The following MYT1L variants were observed in gnomAD, a reference collection of about 807,000 sequenced individuals.
MYT1L encodes myelin transcription factor 1-like protein.
A neutral mutation model predicts 126.7 loss-of-function variants in MYT1L; 12 were observed. The observed-to-expected ratio is 0.09, with a 90% CI of 0.06 to 0.15. MYT1L has a LOEUF of 0.15. MYT1L is among the 10% of genes least tolerant of loss of function. MYT1L has a pLI of 1.00. For synonymous variants in MYT1L, 541 were observed against 604.2 expected, an observed-to-expected ratio of 0.90 and a Z score of 1.53; for missense variants, 979 against 1,585.2, an observed-to-expected ratio of 0.62 and a Z score of 6.49.
intron 5 of MYT1L, among the ~76,000 whole-genome samples, chr2:1,992,714 AG>A (rs912333934): frequency 2.6e-5 from 4 of 152,238 alleles, no homozygotes; most frequent in African/African-American, 9.6e-5. Context: ...CTTAGTTTAC[AG>A]TTTAAACAAA....
chr2:2,212,946 T>G (rs554240692), intron 2 of MYT1L, among the ~76,000 whole-genome samples: 1 of 152,202 alleles, frequency 6.6e-6, no homozygotes, highest in East Asian at 1.9e-4. Context: ...CCATCTGTCT[T>G]TCATGAGGGG....
At chr2:1,868,027 C>T (rs549279610) in intron 18 of MYT1L, among the ~76,000 whole-genome samples, 4 of 151,898 alleles carry the variant, frequency 2.6e-5, no homozygotes, top group Non-Finnish European at 5.9e-5. Context: ...AGTGCAGTGG[C>T]GTGATCTTGG....
At chr2:2,278,669 A>T (rs1412939699) in intron 2 of MYT1L, among the ~76,000 whole-genome samples, 3 of 152,214 alleles carry the variant, frequency 2.0e-5, no homozygotes, top group Non-Finnish European at 4.4e-5. Context: ...ATACTTAAGA[A>T]ATCAACAGTA....
In MYT1L at chr2:2,031,181, G is replaced by A. The variant is rs550196984; in HGVS notation, c.-158+22797C>T. On this transcript the variant is annotated intron_variant, in intron 4 of 24. Coordinates refer to ENST00000647738, the MANE Select transcript of MYT1L (RefSeq NM_001303052.2). ...CACTGGGATTCAGGGCACCTTGGAT[G>A]CTCAGAGCTGTCCAAAATCTTTCTG... is the stretch of plus-strand genomic sequence containing the variant. 3.9e-5 allele frequency among the ~76,000 whole-genome samples: 6 copies of A among 152,342 alleles called. No individual in the cohort carries two copies. In the South Asian group the frequency reaches 8.3e-4, roughly 21 times the overall value.
At chr2:2,154,792 T>C (rs2086448488) in intron 3 of MYT1L, among the ~76,000 whole-genome samples, 2 of 152,160 alleles carry the variant, frequency 1.3e-5, no homozygotes, top group African/African-American at 2.4e-5. Flanking sequence ...AGTTTACCTA[T>C]GGAACAAACC....
chr2:1,906,074 G>T (rs1006656974), intron 13 of MYT1L, among the ~76,000 whole-genome samples: 3 of 152,082 alleles, frequency 2.0e-5, no homozygotes, highest in South Asian at 2.1e-4. Flanking sequence ...ATTATATTTT[G>T]CTTTTTTATG....
At chr2:2,060,800 C>T (rs1480017819) in intron 3 of MYT1L, among the ~76,000 whole-genome samples, 7 of 147,442 alleles carry the variant, frequency 4.7e-5, no homozygotes, top group Non-Finnish European at 1.0e-4. Flanking sequence ...CTTTCCTTTC[C>T]TTTCCTCTTC....
intron 9 of MYT1L, among the ~76,000 whole-genome samples, chr2:1,924,624 C>T (rs984351495): frequency 1.3e-5 from 2 of 152,172 alleles, no homozygotes; most frequent in South Asian, 2.1e-4. Context: ...TATTATCCCA[C>T]GCTGAAGGAA....
intron 3 of MYT1L, among the ~76,000 whole-genome samples, chr2:2,122,039 C>A (rs1415377739): frequency 6.6e-6 from 1 of 152,204 alleles, no homozygotes; most frequent in Admixed American, 6.5e-5. Context: ...TTAAACTGTG[C>A]GTCTGTCAGC....
chr2:1,957,271 TA>T (rs1166020870), intron 8 of MYT1L, among the ~76,000 whole-genome samples: 1 of 152,180 alleles, frequency 6.6e-6, no homozygotes, highest in Non-Finnish European at 1.5e-5. Context: ...TTTGAAAGTT[TA>T]AAAAAATTTT....
intron 14 of MYT1L, 73 bp downstream of exon 14, chr2:1,903,007 G>C: frequency 7.3e-7 from 1 of 1,378,610 alleles, no homozygotes; most frequent in Non-Finnish European, 1.0e-6. Flanking sequence ...TAATTTGTAG[G>C]ACATTGATAT....
chr2:2,036,465 C>T (rs529524399), intron 4 of MYT1L, among the ~76,000 whole-genome samples: 48 of 150,100 alleles, frequency 3.2e-4, no homozygotes, highest in African/African-American at 1.1e-3. Context: ...CTCCACCCTC[C>T]AATGCGGGTG....
At chr2:2,248,555 C>T (rs2094577307) in intron 2 of MYT1L, among the ~76,000 whole-genome samples, 1 of 151,962 alleles carries the variant, frequency 6.6e-6, no homozygotes, top group Non-Finnish European at 1.5e-5. Flanking sequence ...GACAACACCA[C>T]CAAAGACACA....
At chr2:1,808,065 G>T (rs763222082) in intron 22 of MYT1L, among the ~76,000 whole-genome samples, 1 of 152,054 alleles carries the variant, frequency 6.6e-6, no homozygotes, top group Non-Finnish European at 1.5e-5. Context: ...GCTTCCCTTT[G>T]CACCATGATT....
At chr2:2,175,164 G>A (rs2090583617) in intron 2 of MYT1L, among the ~76,000 whole-genome samples, 1 of 152,106 alleles carries the variant, frequency 6.6e-6, no homozygotes, top group African/African-American at 2.4e-5. Flanking sequence ...CACTGCTGAA[G>A]GAAGGAAGAA....
intron 1 of MYT1L, chr2:2,303,614 C>G (rs2095817289): frequency 6.6e-6 from 1 of 152,254 alleles, no homozygotes; most frequent in South Asian, 2.1e-4. Flanking sequence ...TGTGTTCAGG[C>G]AGTTCTCAGC....
At chr2:1,860,822 G>C (rs2044491920) in intron 18 of MYT1L, among the ~76,000 whole-genome samples, 1 of 152,104 alleles carries the variant, frequency 6.6e-6, no homozygotes, top group African/African-American at 2.4e-5. Flanking sequence ...TCATCCTGGA[G>C]GGTTAATGGT....
At chr2:2,158,750 C>T (rs1040809377) in intron 3 of MYT1L, among the ~76,000 whole-genome samples, 2 of 151,274 alleles carry the variant, frequency 1.3e-5, no homozygotes, top group African/African-American at 4.9e-5. Context: ...ATATAAAGAC[C>T]TTAATATCAA....
At chr2:1,831,215 T>TC (rs1176783939) in intron 21 of MYT1L, among the ~76,000 whole-genome samples, 2 of 149,492 alleles carry the variant, frequency 1.3e-5, no homozygotes, top group African/African-American at 2.5e-5. Flanking sequence ...GACCCCTGGC[T>TC]CCCCCCAGAT....
Sources: allele counts gnomAD v4.1 joint callset (sites outside exome capture counted in the v4.1 genomes callset), GRCh38; gene constraint gnomAD v4.1.1; transcripts MANE v1.5; gene names NCBI Gene and HGNC (gene_info 2026-07-23, HGNC 2026-07-21).